PIAS1: variants seen among roughly 807,000 people sequenced by gnomAD.
PIAS1 encodes protein inhibitor of activated STAT 1.
Under a neutral mutation model 71.3 loss-of-function variants are expected in PIAS1, and 6 were observed. That is an observed-to-expected ratio of 0.08 (90% CI 0.05 to 0.17). The LOEUF (loss-of-function observed/expected upper bound fraction) is 0.17. Ranked by LOEUF, PIAS1 falls within the 10% of genes least tolerant of loss-of-function variation. PIAS1 has a pLI of 1.00. For synonymous variants in PIAS1, 303 were observed against 292.9 expected (o/e 1.03, Z -0.35); for missense variants, 555 against 793.6 (o/e 0.70, Z 3.61).
At position 68,121,112 on chromosome 15, in the gene PIAS1, A is replaced by G. The variant is rs555775996; in HGVS notation, c.470-20834A>G. ...GATTCTAATCTGGTGTTGTTTTCCT[A>G]TTCCTTGAAGGACTTTCTTTACCAT... On this transcript the variant is annotated intron_variant, in intron 2 of 13. Coordinates refer to ENST00000249636, the MANE Select transcript of PIAS1 (RefSeq NM_016166.3). 5.5e-4 allele frequency among the ~76,000 whole-genome samples: 83 copies of G among 152,270 alleles called. No individual in the cohort carries two copies. The South Asian group carries it at 6.6e-3, about 12-fold the overall frequency.
At chr15:68,068,634 G>T (rs574145839) in intron 1 of PIAS1, among the ~76,000 whole-genome samples, 2 of 151,926 alleles carry the variant, frequency 1.3e-5, no homozygotes, top group Admixed American at 6.6e-5. Flanking sequence ...TGTATTTTTA[G>T]TAGAGAAGGG....
chr15:68,066,443 T>C (rs1423354099), intron 1 of PIAS1, among the ~76,000 whole-genome samples: 1 of 152,214 alleles, frequency 6.6e-6, no homozygotes, highest in Non-Finnish European at 1.5e-5. Flanking sequence ...ATAAGAATCA[T>C]ATGAATAAAT....
intron 6 of PIAS1, among the ~76,000 whole-genome samples, chr15:68,149,085 T>C (rs2092828404): frequency 1.3e-5 from 2 of 152,138 alleles, no homozygotes; most frequent in Admixed American, 1.3e-4. Context: ...TGTTTTGTTT[T>C]GTTTTTGTTT....
At chr15:68,177,716 A>G (rs1595792707) in intron 11 of PIAS1, among the ~76,000 whole-genome samples, 1 of 152,240 alleles carries the variant, frequency 6.6e-6, no homozygotes, top group South Asian at 2.1e-4. Context: ...AACAAGTAGC[A>G]TACTCCAACT....
chr15:68,092,754 A>G (rs1365963974), intron 2 of PIAS1, among the ~76,000 whole-genome samples: 1 of 152,166 alleles, frequency 6.6e-6, no homozygotes, highest in African/African-American at 2.4e-5. Flanking sequence ...GGACACAGCT[A>G]AAAGGTGCTG....
chr15:68,165,684 A>T (rs2092953188), intron 8 of PIAS1, among the ~76,000 whole-genome samples: 1 of 152,210 alleles, frequency 6.6e-6, no homozygotes, highest in African/African-American at 2.4e-5. Context: ...CCTGTAAGGG[A>T]AAAGGTCTCA....
At chr15:68,102,263 GT>G (rs1312892618) in intron 2 of PIAS1, among the ~76,000 whole-genome samples, 1 of 152,152 alleles carries the variant, frequency 6.6e-6, no homozygotes, top group East Asian at 1.9e-4. Context: ...AACAATCATT[GT>G]CTGTACCTAT....
Position 68,145,798 on chromosome 15 carries a change from T to A in PIAS1, c.603-18T>A. On this transcript the variant is annotated intron_variant, in intron 4 of 13. Transcript: ENST00000249636. ...CATCCTTTAATAAAGGAAATTAAAC[T>A]TGTCCTTTATTGTTTAGGTTTTGTT... 7.1e-7 allele frequency: 1 copy of A among 1,404,500 alleles called. No individual in the cohort carries two copies. The highest frequency in any genetic ancestry group is 1.0e-6 in the Non-Finnish European group (1 of 990,002). 87.0% of individuals were successfully genotyped at this position (1,404,500 alleles called of 1,614,324 possible).
At chr15:68,181,415 T>G in intron 12 of PIAS1, 61 bp downstream of exon 12, 1 of 1,521,460 alleles carries the variant, frequency 6.6e-7, no homozygotes, top group Non-Finnish European at 9.1e-7. Flanking sequence ...ATCTATATAA[T>G]TCTCTTCTAG....
chr15:68,116,362 GT>G, intron 2 of PIAS1, among the ~76,000 whole-genome samples: 1 of 152,078 alleles, frequency 6.6e-6, no homozygotes, highest in Non-Finnish European at 1.5e-5. Flanking sequence ...TGAGTTATAA[GT>G]TTTTGTCATA....
intron 2 of PIAS1, among the ~76,000 whole-genome samples, chr15:68,097,023 G>C (rs969421224): frequency 6.6e-6 from 1 of 152,138 alleles, no homozygotes; most frequent in Non-Finnish European, 1.5e-5. Flanking sequence ...ACCATTGAAT[G>C]TGATGTTAGT....
Position 68,086,621 on chromosome 15 carries a change from C to G in PIAS1, c.340C>G (p.Leu114Val). The change falls in exon 2 of 14, where the codon CTG (leucine) becomes GTG (valine). Residue 114 changes from leucine (L) to valine (V), a missense_variant. Around this residue, in one of 5 missense-constraint regions of PIAS1, gnomAD observed 80 missense variants for 66.9 expected, o/e 1.20. Transcript: ENST00000249636. The surrounding 1 kb of genome is among the most constrained non-coding windows in gnomAD (Gnocchi z 7.2). Reference sequence around the variant, plus strand: ...ATCGCCATTACTCCCTGTTTCTCTTCTGGGACCTAAACATGAACTGGAACT... The same window carrying G: ...ATCGCCATTACTCCCTGTTTCTCTTGTGGGACCTAAACATGAACTGGAACT... Reference protein sequence around the residue: ...ASSPLLPVSLLGPKHELELPH... With the variant: ...ASSPLLPVSLVGPKHELELPH... The G allele has an allele frequency of 1.9e-6, 3 of 1,613,698 alleles. No homozygotes were observed. The highest frequency in any genetic ancestry group is 1.7e-6 in the Non-Finnish European group (2 of 1,179,610).
rs1419356632 is a variant in PIAS1 at position 68,082,552 on chromosome 15, A to G, written c.25-3754A>G. Among the ~76,000 whole-genome samples, 7 of 152,316 alleles carry G rather than the reference A, an allele frequency of 4.6e-5. No individual in the cohort carries two copies. The East Asian group carries it at 1.3e-3, about 29-fold the overall frequency. On this transcript the variant is annotated intron_variant, in intron 1 of 13. Coordinates refer to ENST00000249636, the MANE Select transcript of PIAS1 (RefSeq NM_016166.3). ...GTAGTTATTAACTGTAAGGAAAGCA[A>G]AGTTATACAGAAAAGAGTAATCATG...
chr15:68,062,851 A>G (rs371070437), intron 1 of PIAS1, among the ~76,000 whole-genome samples: 64 of 152,252 alleles, frequency 4.2e-4, no homozygotes, highest in Middle Eastern at 3.4e-3. Context: ...TTTTTTTTAC[A>G]ATAGATAGTG....
rs900098314 is a variant in PIAS1, at chr15:68,054,889, C to T, written c.24+539C>T. On this transcript the variant is annotated intron_variant, in intron 1 of 13. Transcript: ENST00000249636. This position sits in a 1 kb window ranked among gnomAD's most constrained non-coding sequence, Gnocchi z 4.6. ...CCGCCCCGGACTCGGCTTTCCCCGG[C>T]TGCTCGCTTGTCAGGAAGCGCCTGG... 2 of 152,358 alleles carry T rather than the reference C, an allele frequency of 1.3e-5. No individual in the cohort carries two copies. The highest frequency in any genetic ancestry group is 2.9e-5 in the Non-Finnish European group (2 of 68,144). The allele number at this position is 152,358 out of a possible 1,614,324, so 9.4% of individuals were successfully genotyped here.
chr15:68,139,911 G>T (rs888432944), intron 2 of PIAS1, among the ~76,000 whole-genome samples: 2 of 152,074 alleles, frequency 1.3e-5, no homozygotes, highest in African/African-American at 2.4e-5. Context: ...TTTTTGTCCA[G>T]AATTTTTTTG....
intron 1 of PIAS1, among the ~76,000 whole-genome samples, chr15:68,072,463 A>G (rs954619253): frequency 1.3e-5 from 2 of 151,150 alleles, no homozygotes; most frequent in African/African-American, 4.9e-5. Flanking sequence ...TTGTTATGAG[A>G]ATTTTCCACA....
chr15:68,077,887 C>T (rs1307751129), intron 1 of PIAS1, among the ~76,000 whole-genome samples: 2 of 152,100 alleles, frequency 1.3e-5, no homozygotes, highest in Non-Finnish European at 2.9e-5. Flanking sequence ...ATACTAGGAC[C>T]CAGACTGAAG....
At chr15:68,070,816 T>G (rs1458344717) in intron 1 of PIAS1, among the ~76,000 whole-genome samples, 6 of 152,348 alleles carry the variant, frequency 3.9e-5, no homozygotes, top group African/African-American at 1.2e-4. Context: ...AGATGTGGCC[T>G]CACTATGTTG....
Sources: gnomAD v4.1 joint callset for allele counts (sites outside exome capture counted in the v4.1 genomes callset) on GRCh38, gnomAD v4.1.1 for gene constraint, gnomAD v4.1.1 regional missense constraint, Gnocchi (gnomAD v3.1) non-coding constraint, MANE v1.5 for transcripts, NCBI Gene and HGNC (gene_info 2026-07-23, HGNC 2026-07-21) for gene names.